KIAA1958: variants seen among roughly 807,000 people sequenced by gnomAD.
KIAA1958 encodes the protein uncharacterized protein KIAA1958.
In KIAA1958, 14 loss-of-function variants were observed where a neutral mutation model predicts 47.2. The ratio of observed to expected loss-of-function variants is 0.30; its 90% CI spans 0.20 to 0.46. The LOEUF (loss-of-function observed/expected upper bound fraction) is 0.46. Among genes scored for constraint, KIAA1958 ranks in the 20% least tolerant of loss-of-function variants. The pLI is 1.00. For missense variants in KIAA1958, 803 were observed against 909.2 expected (o/e 0.88, Z 1.50); for synonymous variants, 354 against 353.3 (o/e 1.00, Z -0.02).
intron 2 of KIAA1958, among the ~76,000 whole-genome samples, chr9:112,585,722 A>C (rs1371375490): frequency 1.3e-5 from 2 of 152,096 alleles, no homozygotes; most frequent in Non-Finnish European, 2.9e-5. Flanking sequence ...AAAATACAGA[A>C]CTTGGTGACC....
At chr9:112,640,119 T>C (rs1452558919) in intron 2 of KIAA1958, among the ~76,000 whole-genome samples, 4 of 152,276 alleles carry the variant, frequency 2.6e-5, no homozygotes. Context: ...TGCTATTGAA[T>C]GCTGACCACT....
At chr9:112,488,386 A>G (rs890331602) in intron 1 of KIAA1958, among the ~76,000 whole-genome samples, 1 of 152,178 alleles carries the variant, frequency 6.6e-6, no homozygotes, top group Non-Finnish European at 1.5e-5. Flanking sequence ...GTTGCTGTGT[A>G]TTGTAGATAC....
Position 112,664,112 on chromosome 9 carries a change from A to G in KIAA1958, c.*4043A>G, listed in dbSNP as rs1837320095. 1 of 152,276 alleles carries G rather than the reference A, an allele frequency of 6.6e-6. No homozygotes were observed. The highest frequency in any genetic ancestry group is 6.5e-5 in the Admixed American group (1 of 15,288). The allele number at this position is 152,276 out of a possible 1,614,324, so 9.4% of individuals were successfully genotyped here. Reference sequence around the variant, plus strand: ...GCAATTCCTCAAGTTCATATTAATTAGGAAGTGGCAGAGCTAGGACACAAA... The same window carrying G: ...GCAATTCCTCAAGTTCATATTAATTGGGAAGTGGCAGAGCTAGGACACAAA... On this transcript the variant is annotated 3_prime_UTR_variant, in exon 4 of 4. Coordinates refer to ENST00000337530, the MANE Select transcript of KIAA1958 (RefSeq NM_133465.4).
rs986997948 is a variant in KIAA1958, at chr9:112,668,311, C to A, written c.*8242C>A. 3.3e-5 allele frequency: 5 copies of A among 152,122 alleles called. No individual in the cohort carries two copies. The highest frequency in any genetic ancestry group is 1.9e-4 in the East Asian group (1 of 5,200). 9.4% of individuals were successfully genotyped at this position (152,122 alleles called of 1,614,324 possible). A position where few individuals can be genotyped will look rare whatever the true frequency, so the allele number is the denominator to read the frequency against. ...GTTTCAAAAAGCAATCAGGAAAAAA[C>A]AAACAAAAAACTTGTTTTAGAATAC... On this transcript the variant is annotated 3_prime_UTR_variant, in exon 4 of 4. Transcript: ENST00000337530.
rs201918113 is a variant in KIAA1958 at position 112,659,761 on chromosome 9, G to A, written c.1843G>A (p.Gly615Arg). The A allele has an allele frequency of 9.4e-5, 152 of 1,614,128 alleles. No individual in the cohort carries two copies. Among genetic ancestry groups the A allele is most frequent in the Non-Finnish European group, 1.2e-4 (138 of 1,180,022 alleles). ...SRSGSTRVCH[G>R]KIYHEHSRGH... ...GAGCGGCTCCACCAGAGTGTGTCAC[G>A]GGAAGATCTACCATGAGCATTCCCG... The change falls in exon 4 of 4, where the codon GGG (glycine) becomes AGG (arginine). Residue 615 changes from glycine (G) to arginine (R), a missense_variant. Around this residue, in one of 2 missense-constraint regions of KIAA1958, gnomAD observed 761 missense variants for 829.3 expected, o/e 0.92. Transcript: ENST00000337530.
chr9:112,568,145 A>T (rs1253992532), intron 1 of KIAA1958, among the ~76,000 whole-genome samples: 1 of 152,150 alleles, frequency 6.6e-6, no homozygotes, highest in Admixed American at 6.5e-5. Context: ...TTGCAAACGG[A>T]AACACTCAGG....
At chr9:112,595,052 A>C (rs1302789424) in intron 2 of KIAA1958, among the ~76,000 whole-genome samples, 1 of 152,214 alleles carries the variant, frequency 6.6e-6, no homozygotes. Flanking sequence ...ATATATTTTC[A>C]CTTAAGTTAG....
intron 1 of KIAA1958, among the ~76,000 whole-genome samples, chr9:112,527,649 G>A (rs1471806211): frequency 6.6e-6 from 1 of 152,004 alleles, no homozygotes; most frequent in Non-Finnish European, 1.5e-5. Context: ...AATGAGTTAA[G>A]AGGCTGGGCG....
At chr9:112,521,006 A>G (rs1404224318) in intron 1 of KIAA1958, among the ~76,000 whole-genome samples, 1 of 152,030 alleles carries the variant, frequency 6.6e-6, no homozygotes, top group Non-Finnish European at 1.5e-5. Context: ...TTTCTCCTTT[A>G]CATTATAAGC....
At chr9:112,606,245 C>T in intron 2 of KIAA1958, among the ~76,000 whole-genome samples, 1 of 152,178 alleles carries the variant, frequency 6.6e-6, no homozygotes, top group East Asian at 1.9e-4. Context: ...TAAGTTACAT[C>T]TTAGGTCTGG....
intron 1 of KIAA1958, among the ~76,000 whole-genome samples, chr9:112,547,103 G>A (rs1003641303): frequency 3.3e-5 from 5 of 151,920 alleles, no homozygotes; most frequent in Admixed American, 6.6e-5. Flanking sequence ...CTGGCTTGGC[G>A]CGGTAGCTCA....
chr9:112,663,110 C>G lies in KIAA1958; in HGVS notation c.*3041C>G, dbSNP rs1477418953. The G allele has an allele frequency of 6.6e-6, 1 of 152,154 alleles. No homozygotes were observed. The allele number at this position is 152,154 out of a possible 1,614,324, so 9.4% of individuals were successfully genotyped here. A position where few individuals can be genotyped will look rare whatever the true frequency, so the allele number is the denominator to read the frequency against. On this transcript the variant is annotated 3_prime_UTR_variant, in exon 4 of 4. Coordinates refer to ENST00000337530, the MANE Select transcript of KIAA1958 (RefSeq NM_133465.4). ...CAGGTTGACTGAAGCACAAGTTGCC[C>G]CTGGGCTCTGTGTCAAGGCTGGTGG...
rs1314349354 is a variant in KIAA1958, at chr9:112,659,365, C to T, written c.1447C>T (p.Arg483Ter). The T allele has an allele frequency of 1.2e-6, 2 of 1,614,160 alleles. No individual in the cohort carries two copies. The highest frequency in any genetic ancestry group is 1.7e-6 in the Non-Finnish European group (2 of 1,180,040). Residue 483 changes from arginine (R) to a stop codon, truncating the protein, a stop_gained, in exon 4 of 4, where the codon CGA becomes TGA. Transcript: ENST00000337530. LOFTEE classifies it high-confidence loss of function. ...GGCCACCTCGCTCCATGCTATTCGC[C>T]GAGGCCTGGACCGCATCCTGAAGAA... ...FLATSLHAIR[R>*]GLDRILKNAG...
chr9:112,601,175 G>T (rs1295829922), intron 2 of KIAA1958, among the ~76,000 whole-genome samples: 1 of 152,144 alleles, frequency 6.6e-6, no homozygotes, highest in Non-Finnish European at 1.5e-5. Context: ...AATAACTTTA[G>T]AGAAGTTAAG....
At chr9:112,633,556 T>C (rs1051154913) in intron 2 of KIAA1958, among the ~76,000 whole-genome samples, 2 of 152,146 alleles carry the variant, frequency 1.3e-5, no homozygotes, top group African/African-American at 4.8e-5. Context: ...TTTATGACGC[T>C]AATATATTGC....
chr9:112,626,823 C>CA (rs35640010), intron 2 of KIAA1958, among the ~76,000 whole-genome samples: 54,394 of 133,706 alleles, frequency 0.41, 9,769 homozygotes, highest in Middle Eastern at 0.49. Flanking sequence ...GCATTTGTTA[C>CA]AAAAAAAAAA....
intron 1 of KIAA1958, among the ~76,000 whole-genome samples, chr9:112,542,675 A>G (rs543782221): frequency 6.6e-6 from 1 of 152,290 alleles, no homozygotes; most frequent in Admixed American, 6.5e-5. Context: ...TTCTTGGCAA[A>G]TTAATTTAGA....
At chr9:112,610,874 G>A (rs1002749781) in intron 2 of KIAA1958, among the ~76,000 whole-genome samples, 27 of 152,278 alleles carry the variant, frequency 1.8e-4, no homozygotes, top group African/African-American at 5.8e-4. Flanking sequence ...GAATTCAACA[G>A]AGCATTAAAG....
chr9:112,645,461 G>T (rs533211628), intron 2 of KIAA1958, among the ~76,000 whole-genome samples, 189 bp from the exon 3 acceptor site: 26 of 152,266 alleles, frequency 1.7e-4, no homozygotes, highest in African/African-American at 6.0e-4. Context: ...TTGATTCCAT[G>T]CTATAAGTAT....
Sources: allele counts gnomAD v4.1 joint callset (sites outside exome capture counted in the v4.1 genomes callset), GRCh38; gene constraint gnomAD v4.1.1; regional missense constraint gnomAD v4.1.1; transcripts MANE v1.5; gene names NCBI Gene and HGNC (gene_info 2026-07-23, HGNC 2026-07-21).